The following DPP10 variants were observed in gnomAD, a reference collection of about 807,000 sequenced individuals.
DPP10 encodes inactive dipeptidyl peptidase 10.
DPP10 carries 33 observed loss-of-function variants against 120.9 expected under a neutral mutation model. That is an observed-to-expected ratio of 0.27 (90% CI 0.21 to 0.37). The LOEUF (loss-of-function observed/expected upper bound fraction) is 0.37. Among genes scored for constraint, DPP10 ranks in the 10% least tolerant of loss-of-function variants. The probability of loss-of-function intolerance (pLI) is 1.00; values close to 1 mark genes in which losing one functional copy is unlikely to be tolerated. For synonymous variants in DPP10, 337 were observed against 326.1 expected (o/e 1.03, Z -0.36); for missense variants, 816 against 942.8 (o/e 0.87, Z 1.76).
At chr2:115,418,913 G>A (rs1278503605) in intron 3 of DPP10, among the ~76,000 whole-genome samples, 1 of 152,174 alleles carries the variant, frequency 6.6e-6, no homozygotes, top group Non-Finnish European at 1.5e-5. Flanking sequence ...GTAGTCTGAA[G>A]GCAGTCTGGG....
chr2:115,811,598 G>A (rs1004671826), intron 19 of DPP10, among the ~76,000 whole-genome samples: 6 of 152,160 alleles, frequency 3.9e-5, no homozygotes, highest in African/African-American at 2.4e-5. Flanking sequence ...TGTGTCATAC[G>A]TAGATTGGAA....
intron 1 of DPP10, among the ~76,000 whole-genome samples, chr2:115,286,540 TAAA>T (rs1284549998): frequency 3.7e-5 from 4 of 107,334 alleles, no homozygotes; most frequent in Non-Finnish European, 7.8e-5. Context: ...TATATATATA[TAAA>T]ATATATACAG....
intron 1 of DPP10, among the ~76,000 whole-genome samples, chr2:115,209,426 A>T (rs2056365079): frequency 6.6e-6 from 1 of 152,214 alleles, no homozygotes; most frequent in Non-Finnish European, 1.5e-5. Context: ...ATGCACAAAC[A>T]TACATACACA....
intron 1 of DPP10, chr2:115,131,999 A>C (rs554296427): frequency 6.6e-6 from 1 of 152,072 alleles, no homozygotes; most frequent in Admixed American, 6.5e-5. Flanking sequence ...CTGGGGCAGG[A>C]TAATTGCTTA....
At chr2:115,636,548 T>C (rs2086346571) in intron 5 of DPP10, among the ~76,000 whole-genome samples, 1 of 151,742 alleles carries the variant, frequency 6.6e-6, no homozygotes, top group African/African-American at 2.4e-5. Context: ...TGTATGTTTA[T>C]GTTAAAAGAG....
chr2:114,595,823 C>T (rs1691861037), intron 1 of DPP10, among the ~76,000 whole-genome samples: 1 of 152,132 alleles, frequency 6.6e-6, no homozygotes, highest in Non-Finnish European at 1.5e-5. Context: ...TATACTACTT[C>T]AGGCACCTGG....
Position 115,565,096 on chromosome 2 carries a change from C to T in DPP10, c.441+39124C>T, listed in dbSNP as rs543807702. Among the ~76,000 whole-genome samples, 9 of 152,210 alleles carry T rather than the reference C, an allele frequency of 5.9e-5. No individual in the cohort carries two copies. In the South Asian group the frequency reaches 1.0e-3, roughly 18 times the overall value. On this transcript the variant is annotated intron_variant, in intron 5 of 25. Coordinates refer to ENST00000410059, the MANE Select transcript of DPP10 (RefSeq NM_020868.6). ...CCAGAAGCAGAGAATTCTCTCCTAC[C>T]TCCAAAAAGCAGAAGTTAGCAAACA...
At chr2:114,670,391 G>A (rs1261269717) in intron 1 of DPP10, among the ~76,000 whole-genome samples, 1 of 152,146 alleles carries the variant, frequency 6.6e-6, no homozygotes, top group Non-Finnish European at 1.5e-5. Context: ...GGACATGGAT[G>A]AAATTGGAAA....
chr2:115,310,898 T>G (rs1026469513), intron 2 of DPP10, among the ~76,000 whole-genome samples: 5 of 152,210 alleles, frequency 3.3e-5, no homozygotes, highest in African/African-American at 1.2e-4. Flanking sequence ...TCTTTCATCC[T>G]GGTTCTAGCA....
At chr2:115,212,983 C>A (rs2056613317) in intron 1 of DPP10, among the ~76,000 whole-genome samples, 1 of 152,116 alleles carries the variant, frequency 6.6e-6, no homozygotes, top group Admixed American at 6.6e-5. Context: ...AAATGGAGAT[C>A]CACTCCATGA....
intron 3 of DPP10, among the ~76,000 whole-genome samples, chr2:115,488,787 A>G (rs1195801281): frequency 3.0e-5 from 4 of 133,408 alleles, no homozygotes; most frequent in Non-Finnish European, 6.3e-5. Flanking sequence ...GCTAGATGAC[A>G]CATTAGTGGG....
chr2:114,598,182 G>A (rs1692080675), intron 1 of DPP10, among the ~76,000 whole-genome samples: 2 of 151,880 alleles, frequency 1.3e-5, no homozygotes, highest in East Asian at 3.9e-4. Flanking sequence ...ATAAAAAGGG[G>A]CAATATGATA....
chr2:115,601,805 C>CTGGTAT (rs2083337890), intron 5 of DPP10, among the ~76,000 whole-genome samples: 3 of 151,558 alleles, frequency 2.0e-5, no homozygotes, highest in South Asian at 4.2e-4. Flanking sequence ...TCCCAGGTAG[C>CTGGTAT]TGGTATTGCA....
At chr2:114,448,178 T>C (rs1678046967) in intron 1 of DPP10, among the ~76,000 whole-genome samples, 1 of 152,202 alleles carries the variant, frequency 6.6e-6, no homozygotes, top group Non-Finnish European at 1.5e-5. Context: ...TAGATCTTCA[T>C]AAAATCAAAA....
intron 7 of DPP10, among the ~76,000 whole-genome samples, chr2:115,699,052 A>C (rs1364416182): frequency 7.0e-6 from 1 of 143,154 alleles, no homozygotes; most frequent in African/African-American, 2.5e-5. Flanking sequence ...AAAAAAAACA[A>C]GAGAAGACTC....
Position 115,068,223 on chromosome 2 carries a change from C to T in DPP10, c.61-241016C>T, listed in dbSNP as rs892649188. The stretch of plus-strand genomic sequence containing the variant: ...TTCCATTTTTTCACACCCTCACCAA[C>T]ACTGATTATCTTTTGTCTTTTTGAT... On this transcript the variant is annotated intron_variant, in intron 1 of 25. Coordinates refer to ENST00000410059, the MANE Select transcript of DPP10 (RefSeq NM_020868.6). Among the ~76,000 whole-genome samples, 46 of 151,874 alleles carry T rather than the reference C, an allele frequency of 3.0e-4. 1 individual carries two copies. Among genetic ancestry groups the T allele is most frequent in the Non-Finnish European group, 4.4e-5 (3 of 67,966 alleles).
At chr2:114,568,296 A>G (rs1689368193) in intron 1 of DPP10, among the ~76,000 whole-genome samples, 1 of 152,108 alleles carries the variant, frequency 6.6e-6, no homozygotes, top group South Asian at 2.1e-4. Flanking sequence ...TCATTTCTAT[A>G]TGTTGGTATA....
intron 15 of DPP10, among the ~76,000 whole-genome samples, chr2:115,778,855 A>G (rs1682427850): frequency 1.3e-5 from 2 of 152,198 alleles, no homozygotes; most frequent in African/African-American, 2.4e-5. Flanking sequence ...CCTGGAACGC[A>G]TGTTCTTAAT....
chr2:114,649,257 T>C (rs1389132908), intron 1 of DPP10, among the ~76,000 whole-genome samples: 1 of 152,222 alleles, frequency 6.6e-6, no homozygotes. Flanking sequence ...TGATACACAT[T>C]AGAAACACCA....
Sources: gnomAD v4.1 joint callset for allele counts (sites outside exome capture counted in the v4.1 genomes callset) on GRCh38, gnomAD v4.1.1 for gene constraint, MANE v1.5 for transcripts, NCBI Gene and HGNC (gene_info 2026-07-23, HGNC 2026-07-21) for gene names.